DLGAP2: variants seen among roughly 807,000 people sequenced by gnomAD.
DLGAP2 encodes disks large-associated protein 2.
In DLGAP2, 26 loss-of-function variants were observed where a neutral mutation model predicts 100.3. The observed-to-expected ratio is 0.26, with a 90% confidence interval of 0.19 to 0.36. The LOEUF is 0.36. DLGAP2 is among the 10% of genes least tolerant of loss of function. DLGAP2 has a pLI of 1.00. For synonymous variants in DLGAP2, 886 were observed against 630.1 expected (o/e 1.41, Z -6.08); for missense variants, 1,858 against 1,453.2 (o/e 1.28, Z -4.53).
At chr8:964,784 T>C (rs1799806937) in intron 2 of DLGAP2, among the ~76,000 whole-genome samples, 1 of 152,194 alleles carries the variant, frequency 6.6e-6, no homozygotes, top group South Asian at 2.1e-4. Flanking sequence ...CACTTCTTGC[T>C]GCTCTGTGCA....
rs904482529 is a variant in DLGAP2 at position 1,323,536 on chromosome 8, G to A, written c.106+64653G>A. Among the ~76,000 whole-genome samples, 5 of 152,188 alleles carry A rather than the reference G, an allele frequency of 3.3e-5. No homozygotes were observed. The South Asian group carries it at 1.0e-3, about 32-fold the overall frequency. On this transcript the variant is annotated intron_variant, in intron 3 of 14. Transcript: ENST00000637795. ...GACGCAGTACCAGGGCGAGTGTAGT[G>A]CGGGAAGCAATGGCTCCTGCTGAAC...
chr8:1,098,762 C>T (rs951366993), intron 2 of DLGAP2, among the ~76,000 whole-genome samples: 1 of 136,664 alleles, frequency 7.3e-6, no homozygotes, highest in African/African-American at 2.6e-5. Flanking sequence ...CGCCCACGGG[C>T]GCCGCCACCC....
At chr8:1,138,516 G>T (rs1391841027) in intron 2 of DLGAP2, among the ~76,000 whole-genome samples, 1 of 152,238 alleles carries the variant, frequency 6.6e-6, no homozygotes, top group African/African-American at 2.4e-5. Flanking sequence ...GAATAGAGCA[G>T]GCTGGGGTGG....
chr8:815,511 A>G (rs1019705543), intron 1 of DLGAP2, among the ~76,000 whole-genome samples: 3 of 152,252 alleles, frequency 2.0e-5, no homozygotes, highest in Non-Finnish European at 2.9e-5. Context: ...GATACGTTGT[A>G]TCACCTGCTA....
intron 3 of DLGAP2, among the ~76,000 whole-genome samples, chr8:1,425,707 T>G (rs1022711344): frequency 1.3e-5 from 2 of 152,038 alleles, no homozygotes; most frequent in Non-Finnish European, 2.9e-5. Flanking sequence ...TGTAGGGAAC[T>G]GGCCCCTGTG....
intron 6 of DLGAP2, among the ~76,000 whole-genome samples, chr8:1,595,296 AATAAC>A (rs1796417319): frequency 6.6e-6 from 1 of 151,988 alleles, no homozygotes; most frequent in South Asian, 2.1e-4. Flanking sequence ...TTTATTGACA[AATAAC>A]ATAAATAACA....
rs79951613 is a variant in DLGAP2 at position 1,196,229 on chromosome 8, A to C, written c.74-62622A>C. ...TAAAATATCCTTCAATTCTTTTAGA[A>C]GTAGGCCACGTTTCACTGTGTGTGT... On this transcript the variant is annotated intron_variant, in intron 2 of 14. Transcript: ENST00000637795. Among the ~76,000 whole-genome samples, 8 of 152,352 alleles carry C rather than the reference A, an allele frequency of 5.3e-5. No homozygotes were observed. The East Asian group carries it at 1.3e-3, about 26-fold the overall frequency.
At chr8:1,330,713 G>A (rs1167997141) in intron 3 of DLGAP2, among the ~76,000 whole-genome samples, 5 of 132,558 alleles carry the variant, frequency 3.8e-5, no homozygotes, top group Admixed American at 3.1e-4. Flanking sequence ...TTGAGTTCTG[G>A]GTGGGAGCGC....
At chr8:1,619,110 G>T (rs1429003701) in intron 6 of DLGAP2, among the ~76,000 whole-genome samples, 1 of 152,142 alleles carries the variant, frequency 6.6e-6, no homozygotes, top group Non-Finnish European at 1.5e-5. Flanking sequence ...TCTGACAAAG[G>T]GCTTGAATGC....
chr8:858,433 G>A (rs1450481940), intron 1 of DLGAP2, among the ~76,000 whole-genome samples: 1 of 152,286 alleles, frequency 6.6e-6, no homozygotes, highest in African/African-American at 2.4e-5. Flanking sequence ...GGGAGGGAGG[G>A]GTGAATGGGC....
intron 4 of DLGAP2, among the ~76,000 whole-genome samples, chr8:1,536,344 G>A (rs1990126): frequency 0.38 from 58,314 of 151,882 alleles, 12,128 homozygotes; most frequent in Middle Eastern, 0.53. Flanking sequence ...CCATGCCGAC[G>A]ACCATGAAAA....
intron 1 of DLGAP2, among the ~76,000 whole-genome samples, chr8:801,802 C>A (rs1046181024): frequency 1.3e-5 from 2 of 152,174 alleles, no homozygotes. Context: ...CACAGATGGT[C>A]CCTGCTCGGG....
chr8:872,121 G>A (rs949181866), intron 1 of DLGAP2, among the ~76,000 whole-genome samples: 1 of 152,058 alleles, frequency 6.6e-6, no homozygotes, highest in Admixed American at 6.5e-5. Flanking sequence ...TTTATGCTAT[G>A]TGTGTATTTA....
chr8:1,308,767 T>G (rs1019503233), intron 3 of DLGAP2, among the ~76,000 whole-genome samples: 1 of 152,208 alleles, frequency 6.6e-6, no homozygotes, highest in Non-Finnish European at 1.5e-5. Context: ...TCGGATGATC[T>G]GCCCGCCTCA....
At chr8:1,694,927 A>T (rs1330701399) in intron 13 of DLGAP2, among the ~76,000 whole-genome samples, 1 of 152,098 alleles carries the variant, frequency 6.6e-6, no homozygotes, top group African/African-American at 2.4e-5. Context: ...CACCTCCCCA[A>T]CCAAAAGAGA....
At position 743,907 on chromosome 8, in the gene DLGAP2, T is replaced by C. The variant is rs111613230; in HGVS notation, c.18+6082T>C. ...TGTGATTTCCGTGGCCGGGTCTTCA[T>C]GTCTGGATCACTCACTAAGCTACTG... is the stretch of plus-strand genomic sequence containing the variant. On this transcript the variant is annotated intron_variant, in intron 1 of 14. Coordinates refer to ENST00000637795, the MANE Select transcript of DLGAP2 (RefSeq NM_001346810.2). Among the ~76,000 whole-genome samples, 246 of 152,366 alleles carry C rather than the reference T, an allele frequency of 1.6e-3. 1 individual carries two copies. Among genetic ancestry groups the C allele is most frequent in the African/African-American group, 5.7e-3 (235 of 41,588 alleles).
chr8:1,485,757 G>T (rs112782261), intron 3 of DLGAP2, among the ~76,000 whole-genome samples: 2,771 of 152,302 alleles, frequency 0.018, 70 homozygotes, highest in African/African-American at 0.061. Context: ...GAGCATGGTG[G>T]CTCATGCTTG....
rs1801662692 is a variant in DLGAP2, at chr8:1,549,091, A to C, written c.638A>C (p.Gln213Pro). 6.3e-7 allele frequency: 1 copy of C among 1,585,496 alleles called. No individual in the cohort carries two copies. The highest frequency in any genetic ancestry group is 2.3e-5 in the East Asian group (1 of 43,466). Residue 213 changes from glutamine (Q) to proline (P), a missense_variant, in exon 5 of 15, where the codon CAG becomes CCG. Gln to Pro is a moderately conservative substitution (Grantham distance 76, BLOSUM62 -1). Transcript: ENST00000637795. ...GACGGCTTCCACACGCTGCAGTACC[A>C]GAGGACGTCCGCGGCCGCCGAGCAG... is the stretch of plus-strand genomic sequence containing the variant. ...HRDGFHTLQY[Q>P]RTSAAAEQRS... is the part of the protein sequence containing the mutation.
intron 3 of DLGAP2, among the ~76,000 whole-genome samples, chr8:1,341,923 G>C (rs1051533806): frequency 6.6e-6 from 1 of 152,138 alleles, no homozygotes; most frequent in Non-Finnish European, 1.5e-5. Context: ...CTGAGGTTTT[G>C]TTTTGTTGTG....
Sources: allele counts gnomAD v4.1 joint callset (sites outside exome capture counted in the v4.1 genomes callset), GRCh38; gene constraint gnomAD v4.1.1; transcripts MANE v1.5; gene names NCBI Gene and HGNC (gene_info 2026-07-23, HGNC 2026-07-21).